The following TIMP2 variants were observed in gnomAD, a reference collection of about 807,000 sequenced individuals.
TIMP2 encodes metalloproteinase inhibitor 2.
Under a neutral mutation model 24.3 loss-of-function variants are expected in TIMP2, and 5 were observed. The observed-to-expected ratio is 0.21, with a 90% CI of 0.11 to 0.43. The LOEUF is 0.43. Among genes scored for constraint, TIMP2 ranks in the 20% least tolerant of loss-of-function variants. The pLI, the probability that TIMP2 is intolerant of heterozygous loss-of-function variation, is 1.00. For missense variants in TIMP2, 221 were observed against 297.5 expected (o/e 0.74, Z 1.89); for synonymous variants, 130 against 123.2 (o/e 1.06, Z -0.37).
At chr17:78,911,570 G>A (rs2070207741) in intron 1 of TIMP2, among the ~76,000 whole-genome samples, 3 of 152,020 alleles carry the variant, frequency 2.0e-5, no homozygotes, top group Admixed American at 2.0e-4. Flanking sequence ...TGGGATTACA[G>A]GTACCCGCCA....
intron 3 of TIMP2, among the ~76,000 whole-genome samples, chr17:78,859,776 G>A (rs527404253): frequency 2.6e-5 from 4 of 152,208 alleles, no homozygotes; most frequent in Admixed American, 2.0e-4. Flanking sequence ...GACATCACTC[G>A]AGGTCAGGCA....
intron 1 of TIMP2, among the ~76,000 whole-genome samples, chr17:78,919,801 C>G (rs1002233364): frequency 6.6e-6 from 1 of 152,054 alleles, no homozygotes; most frequent in African/African-American, 2.4e-5. Context: ...CGCCACTGCA[C>G]TCCAGCCTGG....
chr17:78,859,737 A>T (rs910127403), intron 3 of TIMP2, among the ~76,000 whole-genome samples: 1 of 152,112 alleles, frequency 6.6e-6, no homozygotes, highest in South Asian at 2.1e-4. Context: ...CATGGCTGTA[A>T]TCCCAGTACT....
chr17:78,860,836 G>A (rs2069561816), intron 3 of TIMP2, among the ~76,000 whole-genome samples: 1 of 152,064 alleles, frequency 6.6e-6, no homozygotes, highest in African/African-American at 2.4e-5. Context: ...AGGAGTTCGA[G>A]ACCAACCTGG....
Position 78,920,252 on chromosome 17 carries a change from T to C in TIMP2, c.130+4707A>G, listed in dbSNP as rs938022387. Among the ~76,000 whole-genome samples the C allele has an allele frequency of 3.1e-4, 47 of 152,168 alleles. No homozygotes were observed. The highest frequency in any genetic ancestry group is 1.3e-4 in the Admixed American group (2 of 15,272). Reference sequence around the variant, plus strand: ...CCTCTCAGCCCACACCAGTGGCATCTACCTAGCAACCTGGCTGCGACAGCA... The same window carrying C: ...CCTCTCAGCCCACACCAGTGGCATCCACCTAGCAACCTGGCTGCGACAGCA... On this transcript the variant is annotated intron_variant, in intron 1 of 4. Coordinates refer to ENST00000262768, the MANE Select transcript of TIMP2 (RefSeq NM_003255.5). This position sits in a 1 kb window ranked among gnomAD's most constrained non-coding sequence, Gnocchi z 4.5.
intron 1 of TIMP2, among the ~76,000 whole-genome samples, chr17:78,875,653 G>C (rs1007735041): frequency 1.3e-4 from 20 of 152,100 alleles, no homozygotes; most frequent in African/African-American, 4.6e-4. Context: ...GTTATGTTAC[G>C]GTGGATATGA....
rs2277698 is a variant in TIMP2, at chr17:78,870,935, C to T, written c.303G>A (p.Ser101=). The change falls in exon 3 of 5, where the codon TCG becomes TCA. Residue 101 remains serine, a synonymous_variant. Coordinates refer to ENST00000262768, the MANE Select transcript of TIMP2 (RefSeq NM_003255.5). ...ATTCCTTCTTTCCTCCAACGTCCAG[C>T]GAGACCCCACACACTGCCGAGGAGG... is the stretch of plus-strand genomic sequence containing the variant. ...TAPSSAVCGV[S]LDVGGKKEYL... The T allele has an allele frequency of 0.13, 202,027 of 1,611,508 alleles. 13,842 individuals are homozygous for T. Among genetic ancestry groups the T allele is most frequent in the South Asian group, 0.22 (20,337 of 90,472 alleles).
chr17:78,899,375 C>G (rs2070054083), intron 1 of TIMP2: 1 of 152,444 alleles, frequency 6.6e-6, no homozygotes, highest in African/African-American at 2.4e-5. Context: ...TCAGCATCCC[C>G]CATGTGATTC....
rs1374309565 is a variant in TIMP2, at chr17:78,910,593, TC to T, written c.130+14365del. Among the ~76,000 whole-genome samples, 3 of 152,264 alleles carry T rather than the reference TC, an allele frequency of 2.0e-5. No individual in the cohort carries two copies. The East Asian group carries it at 5.8e-4, about 29-fold the overall frequency. Reference sequence around the variant, plus strand: ...CTTTAACAAATCTCTCCCTCTCTCCTCCCCCAACCCTTCCCAGACTCTAGTA... The same window carrying T: ...CTTTAACAAATCTCTCCCTCTCTCCTCCCCAACCCTTCCCAGACTCTAGTA... On this transcript the variant is annotated intron_variant, in intron 1 of 4. Coordinates refer to ENST00000262768, the MANE Select transcript of TIMP2 (RefSeq NM_003255.5).
chr17:78,878,063 C>G (rs76036669), intron 1 of TIMP2, among the ~76,000 whole-genome samples: 2,343 of 152,248 alleles, frequency 0.015, 76 homozygotes, highest in African/African-American at 0.053. Flanking sequence ...ACAATAGGCA[C>G]TCAACAAGCA....
Position 78,891,847 on chromosome 17 carries a change from C to A in TIMP2, c.131-17928G>T. The A allele has an allele frequency of 6.4e-7, 1 of 1,550,692 alleles. No homozygotes were observed. The highest frequency in any genetic ancestry group is 8.7e-7 in the Non-Finnish European group (1 of 1,147,008). On this transcript the variant is annotated intron_variant, in intron 1 of 4. Coordinates refer to ENST00000262768, the MANE Select transcript of TIMP2 (RefSeq NM_003255.5). The surrounding 1 kb of genome is among the most constrained non-coding windows in gnomAD (Gnocchi z 4.5). ...CTGGCCTTCCCTTTCTCTTCTCAGG[C>A]GGGGCCAGGTGAGAATTCATCCGAC... is the stretch of plus-strand genomic sequence containing the variant.
chr17:78,911,249 G>A (rs1033049059), intron 1 of TIMP2, among the ~76,000 whole-genome samples: 4 of 152,220 alleles, frequency 2.6e-5, no homozygotes, highest in Non-Finnish European at 2.9e-5. Flanking sequence ...CGAGCCAGCC[G>A]TGTGGAATGG....
chr17:78,919,214 C>A (rs1203021541), intron 1 of TIMP2, among the ~76,000 whole-genome samples: 1 of 152,234 alleles, frequency 6.6e-6, no homozygotes, highest in Admixed American at 6.5e-5. Flanking sequence ...CTGGGCAACG[C>A]CCGCTGTCAT....
chr17:78,879,815 C>T (rs2069762663), intron 1 of TIMP2, among the ~76,000 whole-genome samples: 1 of 152,178 alleles, frequency 6.6e-6, no homozygotes, highest in Admixed American at 6.5e-5. Flanking sequence ...AAAGCACACG[C>T]AACTGCAGGG....
At position 78,925,176 on chromosome 17, in the gene TIMP2, C is replaced by T. The variant is rs1429796284; in HGVS notation, c.-88G>A. The T allele has an allele frequency of 4.6e-6, 2 of 435,962 alleles. No homozygotes were observed. Among genetic ancestry groups the T allele is most frequent in the African/African-American group, 2.2e-5 (1 of 45,850 alleles). The allele number at this position is 435,962 out of a possible 1,614,324, so 27.0% of individuals were successfully genotyped here. A position where few individuals can be genotyped will look rare whatever the true frequency, so the allele number is the denominator to read the frequency against. Reference sequence around the variant, plus strand: ...GGCGGGCTGGGGGCGCGGGCGGGGGCTGAGCCGGGGCCGAGGCGGGCCCCT... The same window carrying T: ...GGCGGGCTGGGGGCGCGGGCGGGGGTTGAGCCGGGGCCGAGGCGGGCCCCT... On this transcript the variant is annotated 5_prime_UTR_variant, in exon 1 of 5. Transcript: ENST00000262768.
In TIMP2 at chr17:78,854,608, A is replaced by T. The variant is rs1044346859; in HGVS notation, c.*1059T>A. 1 of 152,098 alleles carries T rather than the reference A, an allele frequency of 6.6e-6. No individual in the cohort carries two copies. Among genetic ancestry groups the T allele is most frequent in the Non-Finnish European group, 1.5e-5 (1 of 68,034 alleles). The allele number at this position is 152,098 out of a possible 1,614,324, so 9.4% of individuals were successfully genotyped here. On this transcript the variant is annotated 3_prime_UTR_variant, in exon 5 of 5. Coordinates refer to ENST00000262768, the MANE Select transcript of TIMP2 (RefSeq NM_003255.5). ...TCTTACTATGCTTAGCTGGCGTCAC[A>T]TGCAGAAAGCCCCGTGCAGAACGAT...
chr17:78,889,720 G>T (rs1211689392), intron 1 of TIMP2, among the ~76,000 whole-genome samples: 1 of 152,054 alleles, frequency 6.6e-6, no homozygotes, highest in Non-Finnish European at 1.5e-5. Flanking sequence ...GACATGATCG[G>T]CTCTGGGAGA....
intron 1 of TIMP2, among the ~76,000 whole-genome samples, chr17:78,877,790 G>A (rs1254090307): frequency 1.3e-5 from 2 of 148,860 alleles, no homozygotes; most frequent in African/African-American, 2.5e-5. Context: ...TGCAACCTCC[G>A]CCTCCTGGGT....
chr17:78,918,696 T>C (rs1463954215), intron 1 of TIMP2, among the ~76,000 whole-genome samples: 1 of 152,042 alleles, frequency 6.6e-6, no homozygotes, highest in Non-Finnish European at 1.5e-5. Context: ...ATATCAGATA[T>C]TCATTAAAAA....
Sources: allele counts gnomAD v4.1 joint callset (sites outside exome capture counted in the v4.1 genomes callset), GRCh38; gene constraint gnomAD v4.1.1; non-coding constraint Gnocchi (gnomAD v3.1); transcripts MANE v1.5; gene names NCBI Gene and HGNC (gene_info 2026-07-23, HGNC 2026-07-21).